The following DCLK1 variants were observed in gnomAD, a reference collection of about 807,000 sequenced individuals.
The protein encoded by DCLK1 is doublecortin like kinase 1, also known as serine/threonine-protein kinase DCLK1.
Under a neutral mutation model 86.2 loss-of-function variants are expected in DCLK1, and 16 were observed. The observed-to-expected ratio is 0.19, with a 90% CI of 0.13 to 0.28. DCLK1 has a LOEUF of 0.28. DCLK1 is among the 10% of genes least tolerant of loss of function. DCLK1 has a pLI of 1.00. For missense variants in DCLK1, 590 were observed against 940.2 expected, an observed-to-expected ratio of 0.63 and a Z score of 4.87; for synonymous variants, 369 against 370.5, an observed-to-expected ratio of 1.00 and a Z score of 0.05.
At chr13:35,930,030 T>C (rs2153128696) in intron 4 of DCLK1, among the ~76,000 whole-genome samples, 2 of 152,310 alleles carry the variant, frequency 1.3e-5, no homozygotes, top group Middle Eastern at 3.4e-3. Context: ...ACAGCCTATA[T>C]ACACATGTAT....
At chr13:36,002,081 T>C (rs1326528651) in intron 3 of DCLK1, among the ~76,000 whole-genome samples, 2 of 152,182 alleles carry the variant, frequency 1.3e-5, no homozygotes, top group Non-Finnish European at 2.9e-5. Flanking sequence ...AGGTAAAACA[T>C]ATGATAAAAA....
chr13:35,880,947 ATG>A (rs1418900953), intron 4 of DCLK1, among the ~76,000 whole-genome samples: 1 of 152,186 alleles, frequency 6.6e-6, no homozygotes, highest in Non-Finnish European at 1.5e-5. Flanking sequence ...GTTCTCCCAC[ATG>A]TCATATGTTC....
chr13:36,025,201 C>T (rs984290716), intron 3 of DCLK1, among the ~76,000 whole-genome samples: 13 of 152,068 alleles, frequency 8.5e-5, no homozygotes, highest in African/African-American at 3.1e-4. Context: ...CTCCTGACCT[C>T]AGGTGATCCA....
At chr13:35,902,256 T>C (rs1038807290) in intron 4 of DCLK1, among the ~76,000 whole-genome samples, 1 of 152,246 alleles carries the variant, frequency 6.6e-6, no homozygotes, top group African/African-American at 2.4e-5. Context: ...GTCTCCTTAA[T>C]TCAAAATCCA....
At chr13:36,130,796 G>A (rs1166259021) in intron 1 of DCLK1, among the ~76,000 whole-genome samples, 2 of 152,128 alleles carry the variant, frequency 1.3e-5, no homozygotes, top group Non-Finnish European at 2.9e-5. Flanking sequence ...CCTCCGCCCT[G>A]GCTCTCCATC....
At position 35,826,626 on chromosome 13, in the gene DCLK1, T is replaced by TA. The variant is rs200185594; in HGVS notation, c.1407+1008dup. Reference sequence around the variant, plus strand: ...CTATAAATACAAATAACCACTAAGTTAAAAAAAATGCCAATATGTCTAAGG... The same window carrying TA: ...CTATAAATACAAATAACCACTAAGTTAAAAAAAAATGCCAATATGTCTAAGG... On this transcript the variant is annotated intron_variant, in intron 10 of 16. Coordinates refer to ENST00000360631, the MANE Select transcript of DCLK1 (RefSeq NM_001330071.2). 8.8e-3 allele frequency among the ~76,000 whole-genome samples: 1,331 copies of TA among 150,438 alleles called. 7 individuals are homozygous for TA. The highest frequency in any genetic ancestry group is 0.014 in the Non-Finnish European group (962 of 67,416).
intron 4 of DCLK1, among the ~76,000 whole-genome samples, chr13:35,927,943 C>T (rs532768316): frequency 1.3e-4 from 20 of 152,162 alleles, no homozygotes; most frequent in Admixed American, 1.3e-4. Flanking sequence ...GAGAGGGTGA[C>T]GTGTCCTGAT....
chr13:35,779,985 G>GA (rs35236408), intron 16 of DCLK1, among the ~76,000 whole-genome samples: 36,101 of 142,650 alleles, frequency 0.25, 5,721 homozygotes, highest in East Asian at 0.5. Context: ...CCCCGCCCCT[G>GA]AAAAAAAAAA....
intron 3 of DCLK1, among the ~76,000 whole-genome samples, chr13:36,084,563 C>T (rs1158760400): frequency 6.6e-6 from 1 of 152,178 alleles, no homozygotes; most frequent in African/African-American, 2.4e-5. Flanking sequence ...AAGCCCAGAT[C>T]TGGAAATAGT....
chr13:36,044,027 T>C (rs1882787736), intron 3 of DCLK1, among the ~76,000 whole-genome samples: 1 of 152,180 alleles, frequency 6.6e-6, no homozygotes, highest in Non-Finnish European at 1.5e-5. Context: ...GTGGGCGGTG[T>C]TTGGGTGATA....
At chr13:35,968,777 A>G (rs968669340) in intron 3 of DCLK1, among the ~76,000 whole-genome samples, 3 of 152,184 alleles carry the variant, frequency 2.0e-5, no homozygotes, top group Admixed American at 1.3e-4. Flanking sequence ...GAAAAAAAAA[A>G]TGAAAGAACA....
intron 4 of DCLK1, among the ~76,000 whole-genome samples, chr13:35,918,799 A>C (rs978940168): frequency 6.6e-6 from 1 of 152,002 alleles, no homozygotes; most frequent in Non-Finnish European, 1.5e-5. Flanking sequence ...GCATCCTGAA[A>C]ATGGGGAATG....
intron 16 of DCLK1, among the ~76,000 whole-genome samples, chr13:35,784,876 A>G (rs905178552): frequency 6.6e-6 from 1 of 152,044 alleles, no homozygotes; most frequent in Admixed American, 6.6e-5. Context: ...TTCTCACACC[A>G]CACGGAGGTT....
chr13:35,852,599 T>C (rs531588741), intron 6 of DCLK1, among the ~76,000 whole-genome samples: 3 of 152,206 alleles, frequency 2.0e-5, no homozygotes, highest in Non-Finnish European at 4.4e-5. Flanking sequence ...GAAAGCCATA[T>C]CTTATAATCA....
intron 3 of DCLK1, among the ~76,000 whole-genome samples, chr13:36,054,009 T>G (rs563645937): frequency 5.6e-4 from 85 of 152,292 alleles, no homozygotes; most frequent in African/African-American, 1.9e-3. Flanking sequence ...TGGATAGCAA[T>G]TCTCCATGAC....
At chr13:35,774,756 A>G in intron 16 of DCLK1, 57 bp from the exon 17 acceptor site, 2 of 1,555,774 alleles carry the variant, frequency 1.3e-6, no homozygotes, top group Non-Finnish European at 1.7e-6. Context: ...ATGGCAAAAC[A>G]AACTCTTTCT....
intron 4 of DCLK1, among the ~76,000 whole-genome samples, chr13:35,930,314 C>A (rs1252054733): frequency 6.6e-6 from 1 of 152,204 alleles, no homozygotes; most frequent in Non-Finnish European, 1.5e-5. Context: ...AACATAAGTT[C>A]CTATGCCCTG....
chr13:35,882,921 C>A (rs1392735733), intron 4 of DCLK1, among the ~76,000 whole-genome samples: 1 of 152,128 alleles, frequency 6.6e-6, no homozygotes, highest in Non-Finnish European at 1.5e-5. Flanking sequence ...TTTATAAGAA[C>A]TTTGCCAAGA....
chr13:35,800,782 A>G (rs1053256373), intron 15 of DCLK1, among the ~76,000 whole-genome samples: 6 of 150,892 alleles, frequency 4.0e-5, no homozygotes, highest in African/African-American at 1.5e-4. Context: ...CAGTGGCTCA[A>G]ACTTGGCTCA....
Sources: allele counts gnomAD v4.1 joint callset (sites outside exome capture counted in the v4.1 genomes callset), GRCh38; gene constraint gnomAD v4.1.1; transcripts MANE v1.5; gene names NCBI Gene and HGNC (gene_info 2026-07-23, HGNC 2026-07-21).